Variants in NIN observed in about 807,000 individuals in gnomAD.
NIN encodes the protein glycogen synthase kinase 3 beta-interacting protein.
In NIN, 137 loss-of-function variants were observed where a neutral mutation model predicts 257.6. The observed-to-expected ratio is 0.53, with a 90% CI of 0.46 to 0.61. The LOEUF is 0.61. NIN is among the 20% of genes least tolerant of loss of function. The probability of loss-of-function intolerance (pLI) is 0.00; values close to 1 mark genes in which losing one functional copy is unlikely to be tolerated. For missense variants in NIN, 2,439 were observed against 2,501.2 expected (o/e 0.98, Z 0.53); for synonymous variants, 918 against 919.8 (o/e 1.00, Z 0.04).
At chr14:50,728,125 T>C (rs1161233733) in intron 29 of NIN, among the ~76,000 whole-genome samples, 1 of 152,104 alleles carries the variant, frequency 6.6e-6, no homozygotes, top group East Asian at 1.9e-4. Flanking sequence ...GATATTTTTT[T>C]TAACATTGGT....
In NIN at chr14:50,830,793, G is replaced by A. The variant is rs946379256; in HGVS notation, c.-76+213C>T. 931 of 133,940 alleles carry A rather than the reference G, an allele frequency of 7.0e-3. 2 individuals are homozygous for A. Among genetic ancestry groups the A allele is most frequent in the Non-Finnish European group, 9.4e-3 (584 of 61,990 alleles). The allele number at this position is 133,940 out of a possible 1,614,324, so 8.3% of individuals were successfully genotyped here. The stretch of plus-strand genomic sequence containing the variant: ...CTCCTCCCGCCTCCGAAGCAGCCCC[G>A]TCCCCGCCTCGTCCTCCCGCCCGGC... On this transcript the variant is annotated intron_variant, in intron 1 of 30. Transcript: ENST00000530997.
chr14:50,735,489 G>C lies in NIN; in HGVS notation c.5877+27C>G, dbSNP rs745972705. 8.1e-6 allele frequency: 13 copies of C among 1,610,258 alleles called. No individual in the cohort carries two copies. The East Asian group carries it at 2.5e-4, about 30-fold the overall frequency. On this transcript the variant is annotated intron_variant, in intron 28 of 30. Coordinates refer to ENST00000530997, the MANE Select transcript of NIN (RefSeq NM_020921.4). ...TTCATGGATTAACATATTCTTCATA[G>C]CTAAGGCCATCTGCTGAGAAACTTA...
chr14:50,755,648 C>CTCT (rs1566808426), intron 18 of NIN, among the ~76,000 whole-genome samples: 36 of 80,006 alleles, frequency 4.5e-4, no homozygotes, highest in Non-Finnish European at 5.7e-4. Context: ...TGTTTTGTCT[C>CTCT]TTTTTTTTTT....
intron 4 of NIN, among the ~76,000 whole-genome samples, chr14:50,793,782 T>C (rs1407571115): frequency 6.6e-6 from 1 of 152,174 alleles, no homozygotes; most frequent in African/African-American, 2.4e-5. Flanking sequence ...TTTTCTACAA[T>C]TGGAGCTTTA....
intron 12 of NIN, among the ~76,000 whole-genome samples, chr14:50,768,625 T>C (rs755137219): frequency 6.6e-6 from 1 of 152,070 alleles, no homozygotes; most frequent in Non-Finnish European, 1.5e-5. Flanking sequence ...GGGGAGGGCA[T>C]GGCACTGGGA....
At chr14:50,763,724 T>TGC in intron 15 of NIN, 102 bp downstream of exon 15, 2 of 1,019,844 alleles carry the variant, frequency 2.0e-6, no homozygotes, top group Non-Finnish European at 2.8e-6. Context: ...TTTTTTTTTT[T>TGC]TTTCTTTTTT....
chr14:50,719,943 A>AGC lies in NIN; in HGVS notation c.*3519_*3520insGC. On this transcript the variant is annotated 3_prime_UTR_variant, in exon 31 of 31. Transcript: ENST00000530997. ...CTCATTAATCTTTATCTGAACAGAA[A>AGC]CATAGAGATGGCTTTAGATAATCTG... 4.7e-6 allele frequency: 1 copy of AGC among 214,136 alleles called. No homozygotes were observed. The highest frequency in any genetic ancestry group is 7.0e-5 in the East Asian group (1 of 14,218). The allele number at this position is 214,136 out of a possible 1,614,324, so 13.3% of individuals were successfully genotyped here. A position where few individuals can be genotyped will look rare whatever the true frequency, so the allele number is the denominator to read the frequency against.
chr14:50,823,945 G>A (rs192764333), intron 2 of NIN, among the ~76,000 whole-genome samples: 5 of 152,272 alleles, frequency 3.3e-5, no homozygotes, highest in South Asian at 2.1e-4. Flanking sequence ...CCAACACTTC[G>A]CTAACAAGAT....
At chr14:50,831,453 C>G (rs1450248799), upstream of NIN, among the ~76,000 whole-genome samples, 1 of 152,226 alleles carries the variant, frequency 6.6e-6, no homozygotes, top group Non-Finnish European at 1.5e-5. Flanking sequence ...CACGCCTACA[C>G]TCACCCGCAC....
chr14:50,797,305 G>A (rs1399327443), intron 4 of NIN, among the ~76,000 whole-genome samples: 2 of 152,104 alleles, frequency 1.3e-5, no homozygotes, highest in East Asian at 3.8e-4. Flanking sequence ...CTGTCGTTAG[G>A]GTGCTGGTAT....
At chr14:50,789,737 C>G (rs1329744087) in intron 5 of NIN, among the ~76,000 whole-genome samples, 9 of 152,182 alleles carry the variant, frequency 5.9e-5, no homozygotes. Flanking sequence ...ACTGGGTCTC[C>G]TAAGAGACCT....
intron 18 of NIN, among the ~76,000 whole-genome samples, chr14:50,755,411 A>C (rs1343723111): frequency 1.3e-5 from 2 of 151,748 alleles, no homozygotes; most frequent in Non-Finnish European, 2.9e-5. Flanking sequence ...GAAAAACTAC[A>C]TTCAGAATTA....
intron 2 of NIN, among the ~76,000 whole-genome samples, chr14:50,822,487 T>G (rs78382073): frequency 2.0e-5 from 3 of 152,174 alleles, no homozygotes; most frequent in Admixed American, 6.5e-5. Flanking sequence ...AGCAAGACTA[T>G]TCAAGTGAAC....
In NIN at chr14:50,721,375, G is replaced by T. The variant is rs942043697; in HGVS notation, c.*2088C>A. 1.4e-5 allele frequency: 3 copies of T among 210,826 alleles called. No individual in the cohort carries two copies. In the Admixed American group the frequency reaches 1.8e-4, roughly 12 times the overall value. 13.1% of individuals were successfully genotyped at this position (210,826 alleles called of 1,614,324 possible). A position where few individuals can be genotyped will look rare whatever the true frequency, so the allele number is the denominator to read the frequency against. On this transcript the variant is annotated 3_prime_UTR_variant, in exon 31 of 31. Coordinates refer to ENST00000530997, the MANE Select transcript of NIN (RefSeq NM_020921.4). ...CAAATTAACCTACACCTCTCATACT[G>T]TAAAAGACAAAAATTAAAAATACAA...
intron 25 of NIN, 116 bp from the exon 26 acceptor site, chr14:50,739,603 T>G: frequency 1.3e-6 from 1 of 798,510 alleles, no homozygotes; most frequent in Non-Finnish European, 2.0e-6. Context: ...CTTTCAATTG[T>G]CCCCTCAGTC....
At chr14:50,724,197 T>A (rs1021734749) in intron 30 of NIN, 2 of 199,508 alleles carry the variant, frequency 1.0e-5, no homozygotes, top group African/African-American at 2.3e-5. Context: ...TGGGGCCTTG[T>A]CTAGTCTAAT....
chr14:50,725,961 T>C lies in NIN; in HGVS notation c.6184A>G (p.Lys2062Glu). Reference sequence around the variant, plus strand: ...TGACCGGGTAGGCTCACTTGTTCTTTGAGCTGATTCACTTTCTCTTGAAGA... The same window carrying C: ...TGACCGGGTAGGCTCACTTGTTCTTCGAGCTGATTCACTTTCTCTTGAAGA... The part of the protein sequence containing the change: ...RLLQEKVNQL[K>E]EQLCKNTKAD... The change falls in exon 30 of 31, where the codon AAA (lysine) becomes GAA (glutamate). Residue 2062 changes from lysine to glutamate, a missense_variant. This residue lies in a region of NIN where 2,043 missense variants were observed against 2,050.2 expected (regional missense o/e 1.00). Coordinates refer to ENST00000530997, the MANE Select transcript of NIN (RefSeq NM_020921.4). 1 of 1,614,148 alleles carries C rather than the reference T, an allele frequency of 6.2e-7. No individual in the cohort carries two copies. The highest frequency in any genetic ancestry group is 1.6e-4 in the Middle Eastern group (1 of 6,062).
chr14:50,794,716 A>G (rs1178840484), intron 4 of NIN, among the ~76,000 whole-genome samples: 1 of 151,480 alleles, frequency 6.6e-6, no homozygotes, highest in Non-Finnish European at 1.5e-5. Flanking sequence ...CTGGGGATGG[A>G]AGTGGCGAAG....
At chr14:50,819,418 T>C (rs1308809460) in intron 3 of NIN, among the ~76,000 whole-genome samples, 1 of 152,166 alleles carries the variant, frequency 6.6e-6, no homozygotes, top group African/African-American at 2.4e-5. Context: ...CTTGGGGTAG[T>C]GAATAAATCT....
Sources: gnomAD v4.1 joint callset for allele counts (sites outside exome capture counted in the v4.1 genomes callset) on GRCh38, gnomAD v4.1.1 for gene constraint, gnomAD v4.1.1 regional missense constraint, MANE v1.5 for transcripts, NCBI Gene and HGNC (gene_info 2026-07-23, HGNC 2026-07-21) for gene names.